The following NKD1 variants were observed in gnomAD, a reference collection of about 807,000 sequenced individuals.
The protein encoded by NKD1 is NKD inhibitor of Wnt signaling pathway 1.
In NKD1, 21 loss-of-function variants were observed where a neutral mutation model predicts 56.0. The observed-to-expected ratio is 0.38, with a 90% CI of 0.27 to 0.54. NKD1 has a LOEUF of 0.54. NKD1 is among the 20% of genes least tolerant of loss of function. The probability of loss-of-function intolerance (pLI) is 0.82; values close to 1 mark genes in which losing one functional copy is unlikely to be tolerated. For synonymous variants in NKD1, 263 were observed against 265.7 expected, an observed-to-expected ratio of 0.99 and a Z score of 0.10; for missense variants, 578 against 642.7, an observed-to-expected ratio of 0.90 and a Z score of 1.09.
At position 50,570,423 on chromosome 16, in the gene NKD1, C is replaced by G. The variant is rs138129428; in HGVS notation, c.192+20868C>G. The stretch of plus-strand genomic sequence containing the variant: ...TGATATTAAAATGTTATGGTCTACA[C>G]AGGCTCTGTATGAAGAGGGAAGATA... On this transcript the variant is annotated intron_variant, in intron 3 of 9. Transcript: ENST00000268459. Among the ~76,000 whole-genome samples the G allele has an allele frequency of 6.2e-3, 946 of 152,292 alleles. 6 individuals carry two copies. Among genetic ancestry groups the G allele is most frequent in the African/African-American group, 0.022 (911 of 41,548 alleles).
chr16:50,611,345 G>C (rs915009230), intron 4 of NKD1, among the ~76,000 whole-genome samples: 4 of 152,180 alleles, frequency 2.6e-5, no homozygotes, highest in South Asian at 2.1e-4. Flanking sequence ...CCACTCTCCG[G>C]CATCTTTAGG....
Position 50,646,929 on chromosome 16 carries a change from T to C in NKD1, c.*13148T>C, listed in dbSNP as rs1962692111. 6.6e-6 allele frequency: 1 copy of C among 152,238 alleles called. No homozygotes were observed. Among genetic ancestry groups the C allele is most frequent in the South Asian group, 2.1e-4 (1 of 4,828 alleles). 9.4% of individuals were successfully genotyped at this position (152,238 alleles called of 1,614,324 possible). On this transcript the variant is annotated 3_prime_UTR_variant, in exon 10 of 10. Transcript: ENST00000268459. ...ACCCAGACCCCACCACATTCAGCCCTCTGTGCTTTTCTTGTCTCCCACATC... is the reference window on the plus strand; with the variant it reads ...ACCCAGACCCCACCACATTCAGCCCCCTGTGCTTTTCTTGTCTCCCACATC...
chr16:50,564,023 C>A (rs982517914), intron 3 of NKD1, among the ~76,000 whole-genome samples: 1 of 152,252 alleles, frequency 6.6e-6, no homozygotes, highest in African/African-American at 2.4e-5. Flanking sequence ...GGCAGGGAGG[C>A]GTCAAAGGAG....
chr16:50,556,221 G>C (rs1960500787), intron 3 of NKD1: 6 of 152,314 alleles, frequency 3.9e-5, no homozygotes, highest in Admixed American at 3.9e-4. Context: ...AGGCAAGCCT[G>C]AGCAGCTCCG....
intron 4 of NKD1, among the ~76,000 whole-genome samples, chr16:50,618,789 C>T (rs1709686716): frequency 1.3e-5 from 2 of 152,036 alleles, no homozygotes; most frequent in Middle Eastern, 3.2e-3. Flanking sequence ...GCTTTCTGAG[C>T]TGGGATGGGA....
rs1268948056 is a variant in NKD1, at chr16:50,597,087, G to C, written c.193-11207G>C. 7.9e-5 allele frequency among the ~76,000 whole-genome samples: 12 copies of C among 152,262 alleles called. No homozygotes were observed. The South Asian group carries it at 2.5e-3, about 32-fold the overall frequency. On this transcript the variant is annotated intron_variant, in intron 3 of 9. Transcript: ENST00000268459. Reference sequence around the variant, plus strand: ...ACTTTGGGGAATTGGGTAGGGGTTGGGGTGGCGACGAGGGCAGAGAATAGA... The same window carrying C: ...ACTTTGGGGAATTGGGTAGGGGTTGCGGTGGCGACGAGGGCAGAGAATAGA...
At chr16:50,582,144 C>T (rs534122800) in intron 3 of NKD1, among the ~76,000 whole-genome samples, 6 of 152,266 alleles carry the variant, frequency 3.9e-5, no homozygotes, top group Admixed American at 2.0e-4. Flanking sequence ...GTGCATTGCC[C>T]GCCCAAGGAT....
At chr16:50,620,925 C>T (rs1256402935) in intron 4 of NKD1, among the ~76,000 whole-genome samples, 6 of 152,134 alleles carry the variant, frequency 3.9e-5, no homozygotes, top group Non-Finnish European at 8.8e-5. Flanking sequence ...TCAGGATGAG[C>T]GTGCTCCCTG....
At chr16:50,578,188 G>T (rs961256562) in intron 3 of NKD1, among the ~76,000 whole-genome samples, 2 of 152,102 alleles carry the variant, frequency 1.3e-5, no homozygotes, top group Non-Finnish European at 2.9e-5. Flanking sequence ...TTGGTGAAAG[G>T]GGAATAAGAG....
rs932660980 is a variant in NKD1, at chr16:50,643,097, C to T, written c.*9316C>T. The T allele has an allele frequency of 6.6e-6, 1 of 152,214 alleles. No individual in the cohort carries two copies. Among genetic ancestry groups the T allele is most frequent in the African/African-American group, 2.4e-5 (1 of 41,406 alleles). 9.4% of individuals were successfully genotyped at this position (152,214 alleles called of 1,614,324 possible). A position where few individuals can be genotyped will look rare whatever the true frequency, so the allele number is the denominator to read the frequency against. On this transcript the variant is annotated 3_prime_UTR_variant, in exon 10 of 10. Transcript: ENST00000268459. ...TGCCTTCCTTGGGGAAAGAGGTGGCCTCTGGAGCAATGCTTCGCTACCCTA... is the reference window on the plus strand; with the variant it reads ...TGCCTTCCTTGGGGAAAGAGGTGGCTTCTGGAGCAATGCTTCGCTACCCTA...
intron 3 of NKD1, among the ~76,000 whole-genome samples, chr16:50,565,191 T>C (rs28593271): frequency 0.079 from 12,055 of 151,914 alleles, 1,503 homozygotes; most frequent in African/African-American, 0.27. Context: ...CTGGCTAACA[T>C]GGTGAAACCC....
intron 3 of NKD1, among the ~76,000 whole-genome samples, chr16:50,587,611 C>T (rs1190844432): frequency 6.6e-6 from 1 of 152,164 alleles, no homozygotes; most frequent in Non-Finnish European, 1.5e-5. Context: ...GATGCTTTAC[C>T]TCTGGACTTC....
In NKD1 at chr16:50,623,579, T is replaced by C. The variant is rs983968716; in HGVS notation, c.366+1871T>C. ...AGACTTGGGACTGAGCTGTGGTCCA[T>C]GGGCAGGACTCAACTGAGCTGAGAA... On this transcript the variant is annotated intron_variant, in intron 5 of 9. Transcript: ENST00000268459. The surrounding 1 kb of genome is among the most constrained non-coding windows in gnomAD (Gnocchi z 4.1). 1.3e-5 allele frequency among the ~76,000 whole-genome samples: 2 copies of C among 152,056 alleles called. No individual in the cohort carries two copies. The highest frequency in any genetic ancestry group is 6.5e-5 in the Admixed American group (1 of 15,270).
intron 3 of NKD1, among the ~76,000 whole-genome samples, chr16:50,589,707 CTCTTCTCT>C: frequency 4.0e-5 from 1 of 25,036 alleles, no homozygotes; most frequent in African/African-American, 1.5e-4. Flanking sequence ...CTCTTCTCTT[CTCTTCTCT>C]TCTCTTCTCT....
intron 3 of NKD1, among the ~76,000 whole-genome samples, chr16:50,551,447 A>G (rs1294694102): frequency 1.3e-5 from 2 of 152,206 alleles, no homozygotes; most frequent in Admixed American, 1.3e-4. Flanking sequence ...TTGGCATGAC[A>G]TGTGTCAGGT....
rs751382248 is a variant in NKD1 at position 50,632,427 on chromosome 16, C to G, written c.823+19C>G. 6.2e-7 allele frequency: 1 copy of G among 1,613,924 alleles called. No homozygotes were observed. The highest frequency in any genetic ancestry group is 1.3e-5 in the African/African-American group (1 of 75,056). Reference sequence around the variant, plus strand: ...GGGCCTGGTAAGGGACTCAAGCACCCTGCAATGGGCGATGAGGGCAGGGCG... The same window carrying G: ...GGGCCTGGTAAGGGACTCAAGCACCGTGCAATGGGCGATGAGGGCAGGGCG... On this transcript the variant is annotated intron_variant, in intron 9 of 9. Transcript: ENST00000268459. The surrounding 1 kb of genome is among the most constrained non-coding windows in gnomAD (Gnocchi z 4.1).
At chr16:50,595,919 C>G (rs901924947) in intron 3 of NKD1, among the ~76,000 whole-genome samples, 4 of 152,168 alleles carry the variant, frequency 2.6e-5, no homozygotes, top group Admixed American at 2.0e-4. Context: ...GCTTTGAGAT[C>G]TTTGGTTGCC....
Position 50,646,066 on chromosome 16 carries a change from C to T in NKD1, c.*12285C>T, listed in dbSNP as rs1033781164. On this transcript the variant is annotated 3_prime_UTR_variant, in exon 10 of 10. Coordinates refer to ENST00000268459, the MANE Select transcript of NKD1 (RefSeq NM_033119.5). ...ACAGACAGCCTGGGACCTTTGAAGT[C>T]GGTCTGGCCCAGTGGGGAGCGGGCT... 5 of 127,864 alleles carry T rather than the reference C, an allele frequency of 3.9e-5. No individual in the cohort carries two copies. Among genetic ancestry groups the T allele is most frequent in the African/African-American group, 5.8e-5 (2 of 34,352 alleles). 7.9% of individuals were successfully genotyped at this position (127,864 alleles called of 1,614,324 possible). A position where few individuals can be genotyped will look rare whatever the true frequency, so the allele number is the denominator to read the frequency against.
chr16:50,555,409 C>T (rs1331709039), intron 3 of NKD1: 1 of 152,512 alleles, frequency 6.6e-6, no homozygotes, highest in Non-Finnish European at 1.5e-5. Flanking sequence ...GGCGGGCAGT[C>T]AGCGAGCGTG....
Sources: allele counts gnomAD v4.1 joint callset (sites outside exome capture counted in the v4.1 genomes callset), GRCh38; gene constraint gnomAD v4.1.1; non-coding constraint Gnocchi (gnomAD v3.1); transcripts MANE v1.5; gene names NCBI Gene and HGNC (gene_info 2026-07-23, HGNC 2026-07-21).